The following DLC1 variants were observed in gnomAD, a reference collection of about 807,000 sequenced individuals.
DLC1 encodes the protein rho GTPase-activating protein 7.
DLC1 carries 54 observed loss-of-function variants against 140.3 expected under a neutral mutation model. That is an observed-to-expected ratio of 0.38 (90% confidence interval 0.31 to 0.48). The LOEUF is 0.48. DLC1 is among the 20% of genes least tolerant of loss of function. The pLI is 0.96. For missense variants in DLC1, 2,536 were observed against 1,907.0 expected, an observed-to-expected ratio of 1.33 and a Z score of -6.14; for synonymous variants, 986 against 728.1, an observed-to-expected ratio of 1.35 and a Z score of -5.70.
chr8:13,454,401 A>T (rs1431670994), intron 2 of DLC1, among the ~76,000 whole-genome samples: 1 of 152,216 alleles, frequency 6.6e-6, no homozygotes, highest in South Asian at 2.1e-4. Context: ...CACAAAGTAC[A>T]TTATTTTCTT....
At chr8:13,249,874 C>T (rs150323741) in intron 5 of DLC1, among the ~76,000 whole-genome samples, 1 of 152,312 alleles carries the variant, frequency 6.6e-6, no homozygotes, top group African/African-American at 2.4e-5. Context: ...ACCCAGGTTA[C>T]CACTTCCTTC....
intron 4 of DLC1, among the ~76,000 whole-genome samples, chr8:13,391,042 T>C (rs1198207744): frequency 6.6e-6 from 1 of 152,120 alleles, no homozygotes; most frequent in African/African-American, 2.4e-5. Context: ...ACTCTTATTA[T>C]TGGCCATTTA....
At chr8:13,291,092 A>G (rs189064407) in intron 5 of DLC1, among the ~76,000 whole-genome samples, 3 of 152,276 alleles carry the variant, frequency 2.0e-5, no homozygotes, top group Admixed American at 2.0e-4. Context: ...TATTTTTAGT[A>G]GAGACAGGGT....
At chr8:13,194,280 T>C (rs1826927665) in intron 5 of DLC1, among the ~76,000 whole-genome samples, 2 of 152,226 alleles carry the variant, frequency 1.3e-5, no homozygotes, top group South Asian at 4.1e-4. Context: ...CCAAGGCCCT[T>C]ATGCCAATAG....
chr8:13,259,405 CG>C (rs941872359), intron 5 of DLC1, among the ~76,000 whole-genome samples: 1 of 151,942 alleles, frequency 6.6e-6, no homozygotes, highest in African/African-American at 2.4e-5. Flanking sequence ...CAAAAACACC[CG>C]GACAGAGTGC....
At chr8:13,211,157 G>A (rs966344409) in intron 5 of DLC1, among the ~76,000 whole-genome samples, 11 of 152,262 alleles carry the variant, frequency 7.2e-5, no homozygotes, top group Admixed American at 5.9e-4. Flanking sequence ...CCGTGGCAAC[G>A]ACCTGGAAGT....
rs777103262 is a variant in DLC1, at chr8:13,499,077, T to A, written c.995A>T (p.Asp332Val). 6.2e-7 allele frequency: 1 copy of A among 1,613,002 alleles called. No individual in the cohort carries two copies. Among genetic ancestry groups the A allele is most frequent in the Non-Finnish European group, 8.5e-7 (1 of 1,179,504 alleles). ...KETLATQEPTDNQVRLRKRKE... is the reference protein window; with the variant it reads ...KETLATQEPTVNQVRLRKRKE... The stretch of plus-strand genomic sequence containing the variant: ...TCTCTTACGAAGTCTGACTTGGTTA[T>A]CTGTGGGTTCCTGGGTGGCCAGGGT... Residue 332 changes from aspartate to valine, a missense_variant, in exon 2 of 18, where the codon GAT becomes GTT. By Grantham distance (152) the Asp-to-Val change is radical (BLOSUM62 -3). Transcript: ENST00000276297.
chr8:13,602,684 A>G (rs1049506764), intron 1 of DLC1, among the ~76,000 whole-genome samples: 1 of 151,922 alleles, frequency 6.6e-6, no homozygotes, highest in African/African-American at 2.4e-5. Flanking sequence ...ATTTTTATGT[A>G]TCTTAAAAAG....
chr8:13,268,418 C>T (rs1830778841), intron 5 of DLC1, among the ~76,000 whole-genome samples: 1 of 152,202 alleles, frequency 6.6e-6, no homozygotes, highest in East Asian at 1.9e-4. Flanking sequence ...AGGTTCACGC[C>T]ATTCTCCTGC....
chr8:13,221,131 C>T (rs1828527898), intron 5 of DLC1, among the ~76,000 whole-genome samples: 1 of 152,178 alleles, frequency 6.6e-6, no homozygotes, highest in African/African-American at 2.4e-5. Context: ...CAGCCTTAAA[C>T]TAAGGTCATT....
chr8:13,401,420 T>A (rs1482823409), intron 3 of DLC1, 50 bp downstream of exon 3: 37 of 1,601,180 alleles, frequency 2.3e-5, no homozygotes, highest in Non-Finnish European at 3.2e-5. Flanking sequence ...CTGTATAAGG[T>A]CAAGAGTTAC....
chr8:13,575,828 A>G (rs750578972), intron 1 of DLC1, among the ~76,000 whole-genome samples: 15 of 152,178 alleles, frequency 9.9e-5, no homozygotes, highest in Non-Finnish European at 1.8e-4. Flanking sequence ...TATGAACAAT[A>G]TCTGGAATTC....
At chr8:13,431,637 G>T (rs1271065940) in intron 2 of DLC1, among the ~76,000 whole-genome samples, 1 of 151,494 alleles carries the variant, frequency 6.6e-6, no homozygotes, top group African/African-American at 2.4e-5. Flanking sequence ...TGAAATTCAA[G>T]ACATACATCT....
At chr8:13,232,003 T>C (rs1417604172) in intron 5 of DLC1, among the ~76,000 whole-genome samples, 1 of 152,192 alleles carries the variant, frequency 6.6e-6, no homozygotes, top group Non-Finnish European at 1.5e-5. Context: ...TTGTTTACTT[T>C]TGTTCACTTT....
chr8:13,262,718 G>A (rs73557936), intron 5 of DLC1, among the ~76,000 whole-genome samples: 2,163 of 152,136 alleles, frequency 0.014, 46 homozygotes, highest in African/African-American at 0.049. Flanking sequence ...GAGCCACTGC[G>A]CCTGGATCAT....
intron 2 of DLC1, among the ~76,000 whole-genome samples, chr8:13,492,292 C>G (rs1181820140): frequency 6.6e-6 from 1 of 152,062 alleles, no homozygotes; most frequent in Non-Finnish European, 1.5e-5. Context: ...TGTATAATCT[C>G]TGGAGTCAAG....
rs1831842571 is a variant in DLC1, at chr8:13,293,598, AC to A, written c.1348+11670del. ...AAGATATCACATGGCATGCGGGGTG[AC>A]AAAAAACGAAACGGGAGGTTTCTGC... is the stretch of plus-strand genomic sequence containing the variant. On this transcript the variant is annotated intron_variant, in intron 5 of 17. Coordinates refer to ENST00000276297, the MANE Select transcript of DLC1 (RefSeq NM_182643.3). Among the ~76,000 whole-genome samples the A allele has an allele frequency of 2.6e-5, 4 of 152,222 alleles. 1 individual carries two copies. In the South Asian group the frequency reaches 8.3e-4, roughly 32 times the overall value.
intron 5 of DLC1, chr8:13,304,640 C>G (rs1409423001): frequency 2.2e-6 from 2 of 909,988 alleles, no homozygotes; most frequent in East Asian, 1.2e-4. Flanking sequence ...AATCTGTTTT[C>G]GTTTTTATTA....
chr8:13,434,482 G>C (rs570057252), intron 2 of DLC1, among the ~76,000 whole-genome samples: 1 of 152,236 alleles, frequency 6.6e-6, no homozygotes, highest in South Asian at 2.1e-4. Context: ...GTGTGTGTGT[G>C]TGTGTGTTCA....
Sources: allele counts gnomAD v4.1 joint callset (sites outside exome capture counted in the v4.1 genomes callset), GRCh38; gene constraint gnomAD v4.1.1; transcripts MANE v1.5; gene names NCBI Gene and HGNC (gene_info 2026-07-23, HGNC 2026-07-21).